RPTOR: variants seen among roughly 807,000 people sequenced by gnomAD.
The protein encoded by RPTOR is regulatory-associated protein of mTOR.
A neutral mutation model predicts 169.9 loss-of-function variants in RPTOR; 21 were observed. The observed-to-expected ratio is 0.12, with a 90% confidence interval of 0.09 to 0.18. The LOEUF is 0.18. Among genes scored for constraint, RPTOR ranks in the 10% least tolerant of loss-of-function variants. The pLI is 1.00. For synonymous variants in RPTOR, 732 were observed against 753.2 expected (o/e 0.97, Z 0.46); for missense variants, 1,133 against 1,855.9 (o/e 0.61, Z 7.16).
In RPTOR at chr17:80,959,490, C is replaced by T. The variant is rs2069305865; in HGVS notation, c.3478-588C>T. ...TCCTGGAGTGCACAACCCAGCACCG[C>T]CCATCGTGCGTGGAAAGCGCTCTCC... On this transcript the variant is annotated intron_variant, in intron 29 of 33. Coordinates refer to ENST00000306801, the MANE Select transcript of RPTOR (RefSeq NM_020761.3). The surrounding 1 kb of genome is among the most constrained non-coding windows in gnomAD (Gnocchi z 6.7). Among the ~76,000 whole-genome samples the T allele has an allele frequency of 1.3e-5, 2 of 152,204 alleles. No individual in the cohort carries two copies. Among genetic ancestry groups the T allele is most frequent in the African/African-American group, 4.8e-5 (2 of 41,456 alleles).
At chr17:80,923,161 C>T (rs1382519887) in intron 22 of RPTOR, among the ~76,000 whole-genome samples, 1 of 152,232 alleles carries the variant, frequency 6.6e-6, no homozygotes, top group Non-Finnish European at 1.5e-5. Context: ...GGTGTTTGCA[C>T]CTCAGGACGT....
At chr17:80,670,648 ACAGCTCCCGG>A (rs748809926) in intron 3 of RPTOR, among the ~76,000 whole-genome samples, 14 of 152,150 alleles carry the variant, frequency 9.2e-5, no homozygotes, top group Non-Finnish European at 1.9e-4. Context: ...AGATGTACCT[ACAGCTCCCGG>A]CCAGGTGGTC....
rs983316048 is a variant in RPTOR, at chr17:80,809,083, T to C, written c.891-13118T>C. On this transcript the variant is annotated intron_variant, in intron 7 of 33. Coordinates refer to ENST00000306801, the MANE Select transcript of RPTOR (RefSeq NM_020761.3). ...GTGTGTTTAACTTTATAAGAAATTG[T>C]CCAACTGTTTTCCAAAGTGGTTTGC... Among the ~76,000 whole-genome samples, 6 of 152,384 alleles carry C rather than the reference T, an allele frequency of 3.9e-5. 1 individual carries two copies. The highest frequency in any genetic ancestry group is 1.4e-4 in the African/African-American group (6 of 41,600).
intron 1 of RPTOR, among the ~76,000 whole-genome samples, chr17:80,598,361 G>A (rs1012506715): frequency 2.0e-5 from 3 of 152,172 alleles, no homozygotes; most frequent in African/African-American, 7.2e-5. Context: ...GGTGGGGTGT[G>A]GGGCAGCCCA....
At chr17:80,830,172 C>A (rs2067487510) in intron 9 of RPTOR, among the ~76,000 whole-genome samples, 1 of 152,178 alleles carries the variant, frequency 6.6e-6, no homozygotes, top group Non-Finnish European at 1.5e-5. Flanking sequence ...TCCCCGCTGG[C>A]TTCTCTGTTC....
intron 6 of RPTOR, among the ~76,000 whole-genome samples, chr17:80,786,210 T>C (rs997221722): frequency 2.6e-5 from 4 of 152,210 alleles, no homozygotes; most frequent in Non-Finnish European, 5.9e-5. Flanking sequence ...GCCATTTGCT[T>C]TTATTCTAAA....
intron 17 of RPTOR, among the ~76,000 whole-genome samples, chr17:80,889,219 G>A (rs1327958370): frequency 1.3e-5 from 2 of 152,244 alleles, no homozygotes; most frequent in African/African-American, 4.8e-5. Flanking sequence ...GGGGGTTTGG[G>A]TCTGAGCAAC....
At chr17:80,893,594 G>T in intron 19 of RPTOR, 113 bp from the exon 20 acceptor site, 1 of 1,374,256 alleles carries the variant, frequency 7.3e-7, no homozygotes, top group East Asian at 2.5e-5. Flanking sequence ...GTTTGTGCCT[G>T]GGTGTGCTGA....
intron 28 of RPTOR, among the ~76,000 whole-genome samples, chr17:80,955,034 T>C (rs969870575): frequency 6.6e-6 from 1 of 152,224 alleles, no homozygotes; most frequent in Non-Finnish European, 1.5e-5. Context: ...TAAACTCTAA[T>C]TGAAGACTAT....
At chr17:80,786,451 A>G (rs2066992069) in intron 6 of RPTOR, among the ~76,000 whole-genome samples, 1 of 152,204 alleles carries the variant, frequency 6.6e-6, no homozygotes, top group Non-Finnish European at 1.5e-5. Flanking sequence ...TTTGTTCTTC[A>G]TTGTTAAAAG....
Position 80,957,854 on chromosome 17 carries a change from CT to C in RPTOR, c.3477+125del. On this transcript the variant is annotated intron_variant, in intron 29 of 33. Transcript: ENST00000306801. This position sits in a 1 kb window ranked among gnomAD's most constrained non-coding sequence, Gnocchi z 4.6. ...GCCATCCCAGGGGTGGAGTCAGGGCCTGGGAGGACAGTGCCGGGACAATGCT... is the reference window on the plus strand; with the variant it reads ...GCCATCCCAGGGGTGGAGTCAGGGCCGGGAGGACAGTGCCGGGACAATGCT... 1 of 838,908 alleles carries C rather than the reference CT, an allele frequency of 1.2e-6. No individual in the cohort carries two copies. The highest frequency in any genetic ancestry group is 1.9e-6 in the Non-Finnish European group (1 of 516,444). The allele number at this position is 838,908 out of a possible 1,614,324, so 52.0% of individuals were successfully genotyped here.
chr17:80,829,345 C>T (rs1354001679), intron 9 of RPTOR, among the ~76,000 whole-genome samples: 4 of 152,188 alleles, frequency 2.6e-5, no homozygotes, highest in Non-Finnish European at 4.4e-5. Flanking sequence ...GGTAGGGCAG[C>T]GCCCGGGCTG....
chr17:80,817,720 G>C (rs1598327029), intron 7 of RPTOR, among the ~76,000 whole-genome samples: 1 of 152,176 alleles, frequency 6.6e-6, no homozygotes, highest in African/African-American at 2.4e-5. Flanking sequence ...AGAATCAAAG[G>C]CGAGGGCTGG....
At chr17:80,693,766 A>C (rs2066012873) in intron 3 of RPTOR, among the ~76,000 whole-genome samples, 1 of 152,202 alleles carries the variant, frequency 6.6e-6, no homozygotes, top group Non-Finnish European at 1.5e-5. Context: ...GCTGTGGGAA[A>C]CAGCGTTTTG....
chr17:80,743,863 C>CTACTAGCACTATCCTGGT (rs1567887540), intron 5 of RPTOR, among the ~76,000 whole-genome samples: 1 of 42,542 alleles, frequency 2.4e-5, no homozygotes, highest in Non-Finnish European at 4.7e-5. Context: ...AGAGCCCTGG[C>CTACTAGCACTATCCTGGT]TACTAGCACA....
chr17:80,785,680 C>A (rs1385859363), intron 6 of RPTOR, among the ~76,000 whole-genome samples: 2 of 149,310 alleles, frequency 1.3e-5, no homozygotes, highest in Admixed American at 6.6e-5. Context: ...CGAGTGCTTT[C>A]CCCCGGCCCC....
chr17:80,776,151 A>T (rs568691081), intron 6 of RPTOR, among the ~76,000 whole-genome samples: 1 of 152,218 alleles, frequency 6.6e-6, no homozygotes, highest in Non-Finnish European at 1.5e-5. Flanking sequence ...ATGAGCTATG[A>T]TTGTGCCACT....
intron 20 of RPTOR, among the ~76,000 whole-genome samples, chr17:80,901,074 C>T (rs932331091): frequency 6.6e-6 from 1 of 152,194 alleles, no homozygotes; most frequent in African/African-American, 2.4e-5. Flanking sequence ...GCCTGAGGCC[C>T]TGGGTGCTGT....
chr17:80,795,575 T>A (rs1010066998), intron 7 of RPTOR, among the ~76,000 whole-genome samples: 1 of 151,844 alleles, frequency 6.6e-6, no homozygotes, highest in African/African-American at 2.4e-5. Flanking sequence ...TTTTTTTTTT[T>A]AATTTAAAAG....
Sources: allele counts gnomAD v4.1 joint callset (sites outside exome capture counted in the v4.1 genomes callset), GRCh38; gene constraint gnomAD v4.1.1; non-coding constraint Gnocchi (gnomAD v3.1); transcripts MANE v1.5; gene names NCBI Gene and HGNC (gene_info 2026-07-23, HGNC 2026-07-21).